Variants in CNOT6L observed in about 807,000 individuals in gnomAD.
CNOT6L encodes the protein CCR4-NOT transcription complex subunit 6 like, also known as CCR4-NOT transcription complex subunit 6-like.
A neutral mutation model predicts 64.0 loss-of-function variants in CNOT6L; 7 were observed. The observed-to-expected ratio is 0.11, with a 90% confidence interval of 0.06 to 0.21. The LOEUF (loss-of-function observed/expected upper bound fraction) is 0.21, where lower values mean the gene tolerates loss of function less well. Among genes scored for constraint, CNOT6L ranks in the 10% least tolerant of loss-of-function variants. The pLI, the probability that CNOT6L is intolerant of heterozygous loss-of-function variation, is 1.00. For synonymous variants in CNOT6L, 193 were observed against 243.4 expected (o/e 0.79, Z 1.93); for missense variants, 245 against 669.0 (o/e 0.37, Z 6.99).
chr4:77,776,579 A>G (rs896403065), intron 1 of CNOT6L, among the ~76,000 whole-genome samples, 187 bp from the exon 2 acceptor site: 3 of 152,180 alleles, frequency 2.0e-5, no homozygotes, highest in Admixed American at 6.5e-5. Context: ...TCTTGCAGGA[A>G]CTCATTATCA....
intron 1 of CNOT6L, among the ~76,000 whole-genome samples, chr4:77,815,686 A>C (rs911813174): frequency 6.6e-6 from 1 of 152,192 alleles, no homozygotes; most frequent in Admixed American, 6.5e-5. Flanking sequence ...CTTGCCAATA[A>C]AATTTGGAGG....
chr4:77,736,573 G>T (rs924430625), intron 8 of CNOT6L, among the ~76,000 whole-genome samples: 1 of 152,002 alleles, frequency 6.6e-6, no homozygotes, highest in African/African-American at 2.4e-5. Flanking sequence ...GTAACATTTT[G>T]AAATATAGAG....
chr4:77,758,190 G>A (rs79554031), intron 4 of CNOT6L, among the ~76,000 whole-genome samples: 427 of 152,242 alleles, frequency 2.8e-3, no homozygotes, highest in African/African-American at 9.3e-3. Context: ...TGATTTAGGT[G>A]CTGGCTATTA....
intron 4 of CNOT6L, among the ~76,000 whole-genome samples, chr4:77,770,692 C>G (rs1393596038): frequency 6.6e-6 from 1 of 152,184 alleles, no homozygotes; most frequent in Non-Finnish European, 1.5e-5. Context: ...TGAAGCAGAG[C>G]TGGTGTCTGA....
intron 9 of CNOT6L, among the ~76,000 whole-genome samples, chr4:77,730,033 T>C (rs1382707828): frequency 2.6e-5 from 4 of 152,106 alleles, no homozygotes; most frequent in African/African-American, 9.7e-5. Context: ...CTTTAAACCA[T>C]TGGACTATCC....
intron 5 of CNOT6L, among the ~76,000 whole-genome samples, chr4:77,756,100 C>T (rs923619394): frequency 2.6e-5 from 4 of 152,164 alleles, no homozygotes; most frequent in Non-Finnish European, 5.9e-5. Flanking sequence ...TCTCCTGTCT[C>T]AGCCTCCAGA....
intron 1 of CNOT6L, among the ~76,000 whole-genome samples, chr4:77,810,920 T>G (rs764006488): frequency 7.2e-5 from 11 of 152,158 alleles, no homozygotes; most frequent in Admixed American, 5.2e-4. Context: ...CCTGGCTTAT[T>G]CCACTTAACA....
At chr4:77,818,177 T>C (rs1733783199) in intron 1 of CNOT6L, among the ~76,000 whole-genome samples, 1 of 152,194 alleles carries the variant, frequency 6.6e-6, no homozygotes, top group Non-Finnish European at 1.5e-5. Context: ...AACACTGTGC[T>C]TCCAATGTGT....
intron 3 of CNOT6L, among the ~76,000 whole-genome samples, 181 bp from the exon 4 acceptor site, chr4:77,773,347 A>G (rs1287378851): frequency 6.6e-6 from 1 of 152,224 alleles, no homozygotes; most frequent in Non-Finnish European, 1.5e-5. Flanking sequence ...TGCAATTGCC[A>G]CAACTATTAA....
chr4:77,747,170 T>A (rs556558054), intron 6 of CNOT6L, among the ~76,000 whole-genome samples: 1 of 152,078 alleles, frequency 6.6e-6, no homozygotes, highest in South Asian at 2.1e-4. Context: ...AAATTAACTA[T>A]CTCTTTTTTT....
intron 1 of CNOT6L, among the ~76,000 whole-genome samples, chr4:77,816,001 T>C (rs553760718): frequency 6.6e-6 from 1 of 152,332 alleles, no homozygotes; most frequent in African/African-American, 2.4e-5. Flanking sequence ...AAGTAATACA[T>C]ACAGAAATTC....
intron 4 of CNOT6L, among the ~76,000 whole-genome samples, chr4:77,758,962 T>G (rs933318318): frequency 1.3e-5 from 2 of 152,030 alleles, no homozygotes; most frequent in Non-Finnish European, 2.9e-5. Flanking sequence ...AATAGTCAAC[T>G]CTGGCTCACT....
intron 4 of CNOT6L, among the ~76,000 whole-genome samples, chr4:77,758,082 G>A (rs1205581514): frequency 1.3e-5 from 2 of 152,066 alleles, no homozygotes; most frequent in African/African-American, 2.4e-5. Context: ...TCAATTACTG[G>A]TAAATGGTAT....
upstream of CNOT6L, chr4:77,819,537 G>A (rs1200168966): frequency 4.6e-6 from 3 of 646,196 alleles, no homozygotes; most frequent in Non-Finnish European, 6.7e-6. Flanking sequence ...TCGCGGGCGG[G>A]CGCGCAGGGA....
At chr4:77,776,139 C>T (rs1429509846) in intron 2 of CNOT6L, 132 bp downstream of exon 2, 3 of 839,482 alleles carry the variant, frequency 3.6e-6, no homozygotes, top group Non-Finnish European at 5.6e-6. Context: ...ACAGAAAACA[C>T]TAGTATCTTA....
chr4:77,792,196 G>T (rs1285821112), intron 1 of CNOT6L, among the ~76,000 whole-genome samples: 2 of 151,960 alleles, frequency 1.3e-5, no homozygotes, highest in African/African-American at 4.8e-5. Context: ...TCTTCTTTTT[G>T]AAACCAAAGT....
At chr4:77,819,049 GACAC>G (rs371841161) in intron 1 of CNOT6L, 81 of 525,024 alleles carry the variant, frequency 1.5e-4, no homozygotes, top group African/African-American at 3.0e-4. Context: ...GGCCACCCCC[GACAC>G]ACACACACAC....
At chr4:77,786,625 C>A (rs1161821328) in intron 1 of CNOT6L, among the ~76,000 whole-genome samples, 1 of 151,880 alleles carries the variant, frequency 6.6e-6, no homozygotes, top group Non-Finnish European at 1.5e-5. Context: ...TATGTGCATA[C>A]CACCCCACGC....
At position 77,774,583 on chromosome 4, in the gene CNOT6L, T is replaced by C; in HGVS notation, c.261A>G (p.Ser87=). ...CTGGTAAACTTCTGAGTTTATTGGA[T>C]GACAGATCCAGGTAAACCAGATTAT... ...KLHNLVYLDL[S]SNKLRSLPAE... Residue 87 remains serine, a synonymous_variant, in exon 3 of 12, where the codon TCA becomes TCG. Coordinates refer to ENST00000504123, the MANE Select transcript of CNOT6L (RefSeq NM_144571.3). 1 of 1,613,556 alleles carries C rather than the reference T, an allele frequency of 6.2e-7. No homozygotes were observed. Among genetic ancestry groups the C allele is most frequent in the Non-Finnish European group, 8.5e-7 (1 of 1,179,674 alleles).
Sources: allele counts gnomAD v4.1 joint callset (sites outside exome capture counted in the v4.1 genomes callset), GRCh38; gene constraint gnomAD v4.1.1; transcripts MANE v1.5; gene names NCBI Gene and HGNC (gene_info 2026-07-23, HGNC 2026-07-21).